The following ST3GAL3 variants were observed in gnomAD, a reference collection of about 807,000 sequenced individuals.
ST3GAL3 encodes the protein CMP-N-acetylneuraminate-beta-1,4-galactoside alpha-2,3-sialyltransferase.
ST3GAL3 carries 21 observed loss-of-function variants against 50.1 expected under a neutral mutation model. The ratio of observed to expected loss-of-function variants is 0.42; its 90% confidence interval spans 0.30 to 0.60. The LOEUF (loss-of-function observed/expected upper bound fraction) is 0.60. ST3GAL3 is among the 20% of genes least tolerant of loss of function. The probability of loss-of-function intolerance (pLI) is 0.19; values close to 1 mark genes in which losing one functional copy is unlikely to be tolerated. For missense variants in ST3GAL3, 353 were observed against 489.4 expected (o/e 0.72, Z 2.63); for synonymous variants, 183 against 190.0 (o/e 0.96, Z 0.30).
At chr1:43,749,879 C>T (rs1685352808) in intron 2 of ST3GAL3, among the ~76,000 whole-genome samples, 1 of 152,172 alleles carries the variant, frequency 6.6e-6, no homozygotes, top group Non-Finnish European at 1.5e-5. Context: ...CATATGAGGA[C>T]ACAGTGTTTT....
At chr1:43,846,633 G>A (rs1013947586) in intron 5 of ST3GAL3, among the ~76,000 whole-genome samples, 1 of 152,016 alleles carries the variant, frequency 6.6e-6, no homozygotes, top group African/African-American at 2.4e-5. Flanking sequence ...CAAGTAGCTG[G>A]GACCACAAAC....
intron 2 of ST3GAL3, among the ~76,000 whole-genome samples, chr1:43,770,173 T>G (rs906639795): frequency 8.8e-5 from 13 of 148,192 alleles, no homozygotes; most frequent in African/African-American, 3.0e-4. Flanking sequence ...AAAGTCTTTG[T>G]AAGACTAACT....
In ST3GAL3 at chr1:43,920,941, G is replaced by A. The variant is rs1478256246; in HGVS notation, c.1038+13G>A. On this transcript the variant is annotated intron_variant, in intron 11 of 11. Coordinates refer to ENST00000347631, the MANE Select transcript of ST3GAL3 (RefSeq NM_006279.5). ...AGCCATCAAAGAGGTTCGGGGCTGGGTATGGGGGCAATCCCTGGGTGGGGA... is the reference window on the plus strand; with the variant it reads ...AGCCATCAAAGAGGTTCGGGGCTGGATATGGGGGCAATCCCTGGGTGGGGA... 1.2e-6 allele frequency: 2 copies of A among 1,602,552 alleles called. No homozygotes were observed. The highest frequency in any genetic ancestry group is 2.3e-5 in the East Asian group (1 of 44,440).
At chr1:43,843,520 G>A (rs952603952) in intron 5 of ST3GAL3, among the ~76,000 whole-genome samples, 3 of 151,934 alleles carry the variant, frequency 2.0e-5, no homozygotes, top group African/African-American at 7.3e-5. Flanking sequence ...GGATTTTTGT[G>A]TCTTTGGTCA....
At chr1:43,913,989 C>T (rs1429812247) in intron 9 of ST3GAL3, 1 of 152,270 alleles carries the variant, frequency 6.6e-6, no homozygotes, top group Non-Finnish European at 1.5e-5. Flanking sequence ...GAATTTTCAC[C>T]TCACACCAGT....
chr1:43,898,090 C>A, intron 6 of ST3GAL3, 145 bp from the exon 7 acceptor site: 1 of 838,458 alleles, frequency 1.2e-6, no homozygotes. Flanking sequence ...GGCAGTGGCC[C>A]AATACATCCT....
rs57570612 is a variant in ST3GAL3 at position 43,833,232 on chromosome 1, T to G, written c.210-4987T>G. 9.5e-3 allele frequency among the ~76,000 whole-genome samples: 1,452 copies of G among 152,340 alleles called. 20 individuals carry two copies. Among genetic ancestry groups the G allele is most frequent in the African/African-American group, 0.033 (1,389 of 41,582 alleles). ...CACCCCACTTCCCCCTTACACTTCCTGTTGATTAACCTTCCAAGGCAAGGT... is the reference window on the plus strand; with the variant it reads ...CACCCCACTTCCCCCTTACACTTCCGGTTGATTAACCTTCCAAGGCAAGGT... On this transcript the variant is annotated intron_variant, in intron 4 of 11. Transcript: ENST00000347631.
At chr1:43,834,932 A>T (rs1447261371) in intron 4 of ST3GAL3, among the ~76,000 whole-genome samples, 2 of 152,132 alleles carry the variant, frequency 1.3e-5, no homozygotes, top group African/African-American at 4.8e-5. Flanking sequence ...TTTATGACCC[A>T]TTGCTTGGCC....
At chr1:43,856,644 C>G (rs1387226278) in intron 5 of ST3GAL3, among the ~76,000 whole-genome samples, 2 of 152,214 alleles carry the variant, frequency 1.3e-5, no homozygotes, top group Non-Finnish European at 1.5e-5. Flanking sequence ...CAATGCCTGT[C>G]CATGACCTGG....
chr1:43,870,227 T>G (rs759819520), intron 5 of ST3GAL3, among the ~76,000 whole-genome samples: 2 of 152,248 alleles, frequency 1.3e-5, no homozygotes, highest in African/African-American at 4.8e-5. Flanking sequence ...TAAAATGATA[T>G]TGTATAATGA....
chr1:43,743,614 T>C, intron 2 of ST3GAL3: 1 of 308,896 alleles, frequency 3.2e-6, no homozygotes, highest in South Asian at 2.9e-5. Flanking sequence ...CAGATTCCCA[T>C]TTGACAGGTG....
chr1:43,712,111 T>A (rs1665067638), intron 1 of ST3GAL3, among the ~76,000 whole-genome samples: 1 of 152,212 alleles, frequency 6.6e-6, no homozygotes, highest in Admixed American at 6.5e-5. Context: ...TTTTTGAGCC[T>A]AAGTTTCCTC....
At chr1:43,822,740 G>A (rs1488905582) in intron 4 of ST3GAL3, among the ~76,000 whole-genome samples, 2 of 151,998 alleles carry the variant, frequency 1.3e-5, no homozygotes, top group African/African-American at 4.8e-5. Flanking sequence ...AATCTAATCC[G>A]GTATCATGGC....
intron 9 of ST3GAL3, among the ~76,000 whole-genome samples, chr1:43,907,754 C>G (rs78570835): frequency 0.045 from 6,891 of 152,236 alleles, 182 homozygotes; most frequent in East Asian, 0.13. Context: ...TGTCTCCTTT[C>G]TCACCTCTTT....
At chr1:43,796,171 A>G (rs1424120721) in intron 3 of ST3GAL3, among the ~76,000 whole-genome samples, 1 of 152,194 alleles carries the variant, frequency 6.6e-6, no homozygotes, top group Admixed American at 6.5e-5. Flanking sequence ...TATAGTCCCA[A>G]GAGGATGGGG....
intron 2 of ST3GAL3, among the ~76,000 whole-genome samples, chr1:43,769,631 C>T (rs561444090): frequency 5.9e-5 from 9 of 152,004 alleles, no homozygotes; most frequent in Non-Finnish European, 1.0e-4. Context: ...CAGTTCCTAC[C>T]CCGTGAAGGT....
rs1306962409 is a variant in ST3GAL3, at chr1:43,899,060, A to G, written c.462-108A>G. 4 of 1,517,644 alleles carry G rather than the reference A, an allele frequency of 2.6e-6. No individual in the cohort carries two copies. Among genetic ancestry groups the G allele is most frequent in the Non-Finnish European group, 3.6e-6 (4 of 1,112,594 alleles). 94.0% of individuals were successfully genotyped at this position (1,517,644 alleles called of 1,614,324 possible). A position where few individuals can be genotyped will look rare whatever the true frequency, so the allele number is the denominator to read the frequency against. On this transcript the variant is annotated intron_variant, in intron 7 of 11. Coordinates refer to ENST00000347631, the MANE Select transcript of ST3GAL3 (RefSeq NM_006279.5). The surrounding 1 kb of genome is among the most constrained non-coding windows in gnomAD (Gnocchi z 5.4). ...AGAAGCCCATTGGTCTTCTTCCTCT[A>G]TCCCAGCCTGGTCCTGGACAAGGGC...
At chr1:43,757,397 T>C (rs909534749) in intron 2 of ST3GAL3, among the ~76,000 whole-genome samples, 1 of 152,230 alleles carries the variant, frequency 6.6e-6, no homozygotes, top group Non-Finnish European at 1.5e-5. Flanking sequence ...CATTACCTGC[T>C]TTCAAAACTT....
intron 5 of ST3GAL3, among the ~76,000 whole-genome samples, chr1:43,886,146 C>T (rs548863413): frequency 1.6e-4 from 25 of 152,280 alleles, no homozygotes; most frequent in African/African-American, 5.5e-4. Context: ...TTTGGGAGGC[C>T]GAGGCGGGCA....
Sources: gnomAD v4.1 joint callset for allele counts (sites outside exome capture counted in the v4.1 genomes callset) on GRCh38, gnomAD v4.1.1 for gene constraint, Gnocchi (gnomAD v3.1) non-coding constraint, MANE v1.5 for transcripts, NCBI Gene and HGNC (gene_info 2026-07-23, HGNC 2026-07-21) for gene names.